The following PLXNA2 variants were observed in gnomAD, a reference collection of about 807,000 sequenced individuals.
PLXNA2 encodes plexin A2.
A neutral mutation model predicts 193.5 loss-of-function variants in PLXNA2; 91 were observed. The ratio of observed to expected loss-of-function variants is 0.47; its 90% CI spans 0.40 to 0.56. The LOEUF (loss-of-function observed/expected upper bound fraction) is 0.56, where lower values mean the gene tolerates loss of function less well. Ranked by LOEUF, PLXNA2 falls within the 20% of genes least tolerant of loss-of-function variation. The probability of loss-of-function intolerance (pLI) is 0.00; values close to 1 mark genes in which losing one functional copy is unlikely to be tolerated. For missense variants in PLXNA2, 1,995 were observed against 2,503.2 expected, an observed-to-expected ratio of 0.80 and a Z score of 4.33; for synonymous variants, 997 against 1,027.3, an observed-to-expected ratio of 0.97 and a Z score of 0.56.
chr1:208,177,067 G>A (rs566709140), intron 3 of PLXNA2, among the ~76,000 whole-genome samples: 15 of 130,508 alleles, frequency 1.1e-4, no homozygotes, highest in African/African-American at 3.8e-4. Context: ...TGGCTTTGCC[G>A]ACTCTCCCAG....
At position 208,216,924 on chromosome 1, in the gene PLXNA2, A is replaced by C. The variant is rs1451226759; in HGVS notation, c.999T>G (p.Asp333Glu). Reference sequence around the variant, plus strand: ...CTTTGGAGAAGATGGCAAAGAGTACATCGTCCTGGCTGGTGATATTGAAGG... The same window carrying C: ...CTTTGGAGAAGATGGCAAAGAGTACCTCGTCCTGGCTGGTGATATTGAAGG... ...AQAFNITSQD[D>E]VLFAIFSKGQ... The change falls in exon 2 of 32, where the codon GAT (aspartate) becomes GAG (glutamate). Residue 333 changes from aspartate (D) to glutamate (E), a missense_variant. By Grantham distance (45) the Asp-to-Glu change is conservative. Coordinates refer to ENST00000367033, the MANE Select transcript of PLXNA2 (RefSeq NM_025179.4). 1 of 1,614,094 alleles carries C rather than the reference A, an allele frequency of 6.2e-7. No individual in the cohort carries two copies. Among genetic ancestry groups the C allele is most frequent in the Non-Finnish European group, 8.5e-7 (1 of 1,180,060 alleles).
chr1:208,240,380 TTC>T, intron 1 of PLXNA2, among the ~76,000 whole-genome samples: 1 of 152,300 alleles, frequency 6.6e-6, no homozygotes, highest in Middle Eastern at 3.4e-3. Flanking sequence ...AGAACTGCCT[TTC>T]TCTCTGTCTC....
chr1:208,160,544 T>C (rs1246269319), intron 3 of PLXNA2, among the ~76,000 whole-genome samples: 2 of 152,234 alleles, frequency 1.3e-5, no homozygotes, highest in Admixed American at 6.5e-5. Context: ...AGGAACGTCA[T>C]CTCATTCAAT....
At chr1:208,151,974 T>C (rs1183868993) in intron 3 of PLXNA2, among the ~76,000 whole-genome samples, 1 of 152,182 alleles carries the variant, frequency 6.6e-6, no homozygotes, top group Non-Finnish European at 1.5e-5. Flanking sequence ...CATATAGCTG[T>C]CTCCTCCACT....
At chr1:208,176,705 C>G (rs1221713297) in intron 3 of PLXNA2, among the ~76,000 whole-genome samples, 3 of 152,214 alleles carry the variant, frequency 2.0e-5, no homozygotes, top group African/African-American at 4.8e-5. Context: ...AAAGCTAAAA[C>G]CTGGCATTAT....
intron 4 of PLXNA2, among the ~76,000 whole-genome samples, chr1:208,129,288 C>T (rs895241): frequency 0.54 from 82,316 of 151,970 alleles, 22,646 homozygotes; most frequent in African/African-American, 0.57. Flanking sequence ...ATCTTTTTTC[C>T]TGATGATGTT....
chr1:208,234,296 C>G (rs944616510), intron 1 of PLXNA2, among the ~76,000 whole-genome samples: 4 of 152,130 alleles, frequency 2.6e-5, no homozygotes, highest in African/African-American at 7.2e-5. Flanking sequence ...AAAACATTTC[C>G]CAAGTATTCT....
At chr1:208,198,501 G>T (rs1266498081) in intron 3 of PLXNA2, among the ~76,000 whole-genome samples, 1 of 152,234 alleles carries the variant, frequency 6.6e-6, no homozygotes, top group Non-Finnish European at 1.5e-5. Flanking sequence ...TGGAGAAAGG[G>T]GAGTCAGCTG....
At chr1:208,030,424 T>G (rs1161048864) in intron 29 of PLXNA2, 2 of 985,562 alleles carry the variant, frequency 2.0e-6, no homozygotes, top group Non-Finnish European at 2.4e-6. Flanking sequence ...CCGGGGATGC[T>G]CCAAAGCAAA....
intron 12 of PLXNA2, among the ~76,000 whole-genome samples, chr1:208,070,448 A>T (rs963927927): frequency 4.0e-5 from 6 of 151,710 alleles, no homozygotes; most frequent in African/African-American, 1.5e-4. Context: ...AGTCTCCCCA[A>T]ACAATGCTGG....
intron 1 of PLXNA2, among the ~76,000 whole-genome samples, chr1:208,234,121 T>A (rs1396392558): frequency 1.3e-5 from 2 of 151,964 alleles, no homozygotes; most frequent in Non-Finnish European, 2.9e-5. Context: ...AGTGGGCAGA[T>A]CAAGAGAGTG....
chr1:208,051,386 A>T lies in PLXNA2; in HGVS notation c.3031T>A (p.Ser1011Thr), dbSNP rs1183108742. 1.9e-6 allele frequency: 3 copies of T among 1,612,676 alleles called. No homozygotes were observed. The highest frequency in any genetic ancestry group is 2.5e-6 in the Non-Finnish European group (3 of 1,179,700). The part of the protein sequence containing the change: ...MSEIVCVSPP[S>T]SNGLGPVPVS... ...GGGACCGGGCCAAGGCCATTGGATG[A>T]TGGGGGTGAGACACACACGATCTCA... Residue 1011 changes from serine (S) to threonine (T), a missense_variant, in exon 16 of 32, where the codon TCA becomes ACA. Coordinates refer to ENST00000367033, the MANE Select transcript of PLXNA2 (RefSeq NM_025179.4).
At chr1:208,219,337 T>C (rs572687211) in intron 1 of PLXNA2, among the ~76,000 whole-genome samples, 1 of 152,324 alleles carries the variant, frequency 6.6e-6, no homozygotes, top group South Asian at 2.1e-4. Flanking sequence ...GAGCAGGGCC[T>C]GTTCCATCAC....
chr1:208,191,742 A>G (rs963873040), intron 3 of PLXNA2, among the ~76,000 whole-genome samples: 1 of 152,214 alleles, frequency 6.6e-6, no homozygotes. Flanking sequence ...ACTCTTCTTA[A>G]ACGCAGTGCT....
intron 1 of PLXNA2, among the ~76,000 whole-genome samples, chr1:208,222,785 A>T (rs887471259): frequency 6.6e-6 from 1 of 152,142 alleles, no homozygotes; most frequent in Non-Finnish European, 1.5e-5. Flanking sequence ...GCTGGTGGAA[A>T]GAGAATTTAG....
chr1:208,028,370 G>A lies in PLXNA2; in HGVS notation c.5439-211C>T, dbSNP rs1262045832. Reference sequence around the variant, plus strand: ...TTCAGTAGATTCCATCTAGCCGAGAGCTCGTGGCTGCGGTGCCCAACAGAG... The same window carrying A: ...TTCAGTAGATTCCATCTAGCCGAGAACTCGTGGCTGCGGTGCCCAACAGAG... On this transcript the variant is annotated intron_variant, in intron 30 of 31. Coordinates refer to ENST00000367033, the MANE Select transcript of PLXNA2 (RefSeq NM_025179.4). This position sits in a 1 kb window ranked among gnomAD's most constrained non-coding sequence, Gnocchi z 4.2. Among the ~76,000 whole-genome samples, 1 of 152,192 alleles carries A rather than the reference G, an allele frequency of 6.6e-6. No individual in the cohort carries two copies. The highest frequency in any genetic ancestry group is 1.5e-5 in the Non-Finnish European group (1 of 68,034).
intron 2 of PLXNA2, 26 bp downstream of exon 2, chr1:208,216,709 G>A (rs1161540491): frequency 1.9e-6 from 3 of 1,592,514 alleles, no homozygotes; most frequent in Non-Finnish European, 2.6e-6. Context: ...TGGAGCAGGA[G>A]CAGAGCGAGG....
chr1:208,201,522 C>T lies in PLXNA2; in HGVS notation c.1371+8758G>A, dbSNP rs75695340. Reference sequence around the variant, plus strand: ...GGCTGGGAGTAGGGGACAGGATTCTCTTCCTCCGTCTGACCTTGCAAACAT... The same window carrying T: ...GGCTGGGAGTAGGGGACAGGATTCTTTTCCTCCGTCTGACCTTGCAAACAT... On this transcript the variant is annotated intron_variant, in intron 3 of 31. Transcript: ENST00000367033. Among the ~76,000 whole-genome samples the T allele has an allele frequency of 6.0e-3, 921 of 152,262 alleles. 59 individuals carry two copies. The East Asian group carries it at 0.14, about 24-fold the overall frequency.
chr1:208,060,978 G>A (rs145243889), intron 12 of PLXNA2, 141 bp from the exon 13 acceptor site: 27 of 650,032 alleles, frequency 4.2e-5, no homozygotes, highest in South Asian at 6.2e-5. Flanking sequence ...GAGTGAGTGC[G>A]TTTTGTCCAC....
Sources: gnomAD v4.1 joint callset for allele counts (sites outside exome capture counted in the v4.1 genomes callset) on GRCh38, gnomAD v4.1.1 for gene constraint, Gnocchi (gnomAD v3.1) non-coding constraint, MANE v1.5 for transcripts, NCBI Gene and HGNC (gene_info 2026-07-23, HGNC 2026-07-21) for gene names.